NR4A2: variants seen among roughly 807,000 people sequenced by gnomAD.
NR4A2 encodes the protein nuclear receptor subfamily 4 group A member 2, also known as NGFI-B/nur77 beta-type transcription factor homolog.
In NR4A2, 1 loss-of-function variant was observed where a neutral mutation model predicts 50.5. That is an observed-to-expected ratio of 0.02 (90% CI 0.01 to 0.09). The LOEUF (loss-of-function observed/expected upper bound fraction) is 0.09. Among genes scored for constraint, NR4A2 ranks in the 10% least tolerant of loss-of-function variants. The pLI, the probability that NR4A2 is intolerant of heterozygous loss-of-function variation, is 1.00. For missense variants in NR4A2, 613 were observed against 777.3 expected, an observed-to-expected ratio of 0.79 and a Z score of 2.51; for synonymous variants, 328 against 309.4, an observed-to-expected ratio of 1.06 and a Z score of -0.63.
Position 156,325,588 on chromosome 2 carries a change from G to T in NR4A2, c.*156C>A. 4.0e-6 allele frequency: 4 copies of T among 994,840 alleles called. No individual in the cohort carries two copies. The highest frequency in any genetic ancestry group is 4.6e-6 in the Non-Finnish European group (3 of 645,706). 61.6% of individuals were successfully genotyped at this position (994,840 alleles called of 1,614,324 possible). A position where few individuals can be genotyped will look rare whatever the true frequency, so the allele number is the denominator to read the frequency against. On this transcript the variant is annotated 3_prime_UTR_variant, in exon 8 of 8. Coordinates refer to ENST00000339562, the MANE Select transcript of NR4A2 (RefSeq NM_006186.4). ...AGCAACAGTTTTTGTTTGTTTGTTT[G>T]TTTTCTTTAGGGATCAAGGGGGCTA... is the stretch of plus-strand genomic sequence containing the variant.
At chr2:156,330,298 T>C in intron 2 of NR4A2, 110 bp from the exon 3 acceptor site, 3 of 1,301,024 alleles carry the variant, frequency 2.3e-6, no homozygotes, top group South Asian at 2.5e-5. Flanking sequence ...TCAGAGAGCA[T>C]GTAGGGGCGC....
At chr2:156,331,340 A>C (rs1242568299) in intron 1 of NR4A2, among the ~76,000 whole-genome samples, 1 of 152,234 alleles carries the variant, frequency 6.6e-6, no homozygotes, top group African/African-American at 2.4e-5. Flanking sequence ...CCGCACTTCT[A>C]AAGTGCTTTT....
In NR4A2 at chr2:156,328,235, C is replaced by A. The variant is rs568780353; in HGVS notation, c.994+169G>T. On this transcript the variant is annotated intron_variant, in intron 4 of 7. Coordinates refer to ENST00000339562, the MANE Select transcript of NR4A2 (RefSeq NM_006186.4). The surrounding 1 kb of genome is among the most constrained non-coding windows in gnomAD (Gnocchi z 4.9). ...ATAGTTAAAGGAGAGAAGGGCCTGG[C>A]GGCTTTCTCTAGGGAAGGCCGGGCA... 1.7e-3 allele frequency among the ~76,000 whole-genome samples: 257 copies of A among 152,320 alleles called. No individual in the cohort carries two copies. The highest frequency in any genetic ancestry group is 2.9e-3 in the Non-Finnish European group (195 of 68,034).
rs140164421 is a variant in NR4A2 at position 156,328,172 on chromosome 2, A to G, written c.995-158T>C. Reference sequence around the variant, plus strand: ...CTTCACTGACTAGAAGCATTAAAAAATGCGGGGTTATTTTATGTCTTCCTC... The same window carrying G: ...CTTCACTGACTAGAAGCATTAAAAAGTGCGGGGTTATTTTATGTCTTCCTC... On this transcript the variant is annotated intron_variant, in intron 4 of 7. Transcript: ENST00000339562. This position sits in a 1 kb window ranked among gnomAD's most constrained non-coding sequence, Gnocchi z 4.9. 6.6e-6 allele frequency among the ~76,000 whole-genome samples: 1 copy of G among 152,244 alleles called. No individual in the cohort carries two copies. The highest frequency in any genetic ancestry group is 1.5e-5 in the Non-Finnish European group (1 of 68,052).
chr2:156,326,013 T>C lies in NR4A2; in HGVS notation c.1541-13A>G. On this transcript the variant is annotated splice_polypyrimidine_tract_variant and intron_variant, in intron 7 of 7. Transcript: ENST00000339562. The surrounding 1 kb of genome is among the most constrained non-coding windows in gnomAD (Gnocchi z 4.2). ...AGCCCGTGTCTCTCTGCAGAAAACA[T>C]AATCAGAAACAAAAGAAGAATGTAC... 6.2e-7 allele frequency: 1 copy of C among 1,614,166 alleles called. No individual in the cohort carries two copies. Among genetic ancestry groups the C allele is most frequent in the South Asian group, 1.1e-5 (1 of 91,082 alleles).
intron 1 of NR4A2, among the ~76,000 whole-genome samples, chr2:156,331,504 G>A (rs1385334945): frequency 6.6e-6 from 1 of 152,148 alleles, no homozygotes; most frequent in African/African-American, 2.4e-5. Flanking sequence ...AATTGCAGAG[G>A]GGGGACATAC....
At position 156,326,275 on chromosome 2, in the gene NR4A2, C is replaced by A; in HGVS notation, c.1415G>T (p.Arg472Met). 6.2e-7 allele frequency: 1 copy of A among 1,614,206 alleles called. No individual in the cohort carries two copies. The highest frequency in any genetic ancestry group is 8.5e-7 in the Non-Finnish European group (1 of 1,180,032). ...LIFCNGVVLH[R>M]LQCVRGFGEW... ...CCCAAAGCCACGAACGCATTGCAAC[C>A]TGTGCAAGACCACCCCATTGCAAAA... Residue 472 changes from arginine to methionine, a missense_variant, in exon 7 of 8, where the codon AGG becomes ATG. Coordinates refer to ENST00000339562, the MANE Select transcript of NR4A2 (RefSeq NM_006186.4). This position sits in a 1 kb window ranked among gnomAD's most constrained non-coding sequence, Gnocchi z 4.2.
Position 156,325,642 on chromosome 2 carries a change from G to A in NR4A2, c.*102C>T. 1 of 1,443,838 alleles carries A rather than the reference G, an allele frequency of 6.9e-7. No homozygotes were observed. Among genetic ancestry groups the A allele is most frequent in the Non-Finnish European group, 9.7e-7 (1 of 1,027,172 alleles). 89.4% of individuals were successfully genotyped at this position (1,443,838 alleles called of 1,614,324 possible). The stretch of plus-strand genomic sequence containing the variant: ...GGGTTACAGAAATGGGGGGCAGCTT[G>A]AGCTGAGACTGCTCACACGGCTATC... On this transcript the variant is annotated 3_prime_UTR_variant, in exon 8 of 8. Coordinates refer to ENST00000339562, the MANE Select transcript of NR4A2 (RefSeq NM_006186.4).
At chr2:156,330,296 C>G in intron 2 of NR4A2, 108 bp from the exon 3 acceptor site, 1 of 1,310,546 alleles carries the variant, frequency 7.6e-7, no homozygotes, top group Non-Finnish European at 1.1e-6. Context: ...AGTCAGAGAG[C>G]ATGTAGGGGC....
rs372321198 is a variant in NR4A2, at chr2:156,326,923, G to A, written c.1159-3C>T. The stretch of plus-strand genomic sequence containing the variant: ...TGATAGTCAGGGTTCGCCTGGAACT[G>A]GAATTTCATTTTAAAAAGCACTTAA... On this transcript the variant is annotated splice_region_variant and splice_polypyrimidine_tract_variant and intron_variant, in intron 5 of 7. Coordinates refer to ENST00000339562, the MANE Select transcript of NR4A2 (RefSeq NM_006186.4). The surrounding 1 kb of genome is among the most constrained non-coding windows in gnomAD (Gnocchi z 4.2). The A allele has an allele frequency of 1.4e-5, 23 of 1,613,800 alleles. No individual in the cohort carries two copies. The highest frequency in any genetic ancestry group is 5.3e-5 in the African/African-American group (4 of 74,918).
intron 1 of NR4A2, among the ~76,000 whole-genome samples, chr2:156,331,506 G>C (rs1247170330): frequency 6.6e-6 from 1 of 152,126 alleles, no homozygotes; most frequent in African/African-American, 2.4e-5. Flanking sequence ...TTGCAGAGGG[G>C]GGACATACTG....
At chr2:156,330,832 C>G in intron 1 of NR4A2, 41 bp from the exon 2 acceptor site, 1 of 1,239,806 alleles carries the variant, frequency 8.1e-7, no homozygotes, top group Non-Finnish European at 1.0e-6. Flanking sequence ...TTCTTCCCGA[C>G]AGAGATTCAG....
chr2:156,326,987 C>G lies in NR4A2; in HGVS notation c.1159-67G>C. 3 of 1,504,068 alleles carry G rather than the reference C, an allele frequency of 2.0e-6. No individual in the cohort carries two copies. The highest frequency in any genetic ancestry group is 2.8e-6 in the Non-Finnish European group (3 of 1,085,620). The allele number at this position is 1,504,068 out of a possible 1,614,324, so 93.2% of individuals were successfully genotyped here. ...AATATATAACCCGTGAAATTGCTAA[C>G]CCCGTTTCTAATAGGGGAGCCAGGT... is the stretch of plus-strand genomic sequence containing the variant. On this transcript the variant is annotated intron_variant, in intron 5 of 7. Transcript: ENST00000339562. The surrounding 1 kb of genome is among the most constrained non-coding windows in gnomAD (Gnocchi z 4.2).
In NR4A2 at chr2:156,328,304, C is replaced by A; in HGVS notation, c.994+100G>T. On this transcript the variant is annotated intron_variant, in intron 4 of 7. Coordinates refer to ENST00000339562, the MANE Select transcript of NR4A2 (RefSeq NM_006186.4). The surrounding 1 kb of genome is among the most constrained non-coding windows in gnomAD (Gnocchi z 4.9). ...CCTGGAGGCCATACTGAGGGGGAGT[C>A]GGAGATCCCCAGCACCGGGAAGTGG... 2.5e-6 allele frequency: 4 copies of A among 1,577,754 alleles called. No homozygotes were observed. Among genetic ancestry groups the A allele is most frequent in the Non-Finnish European group, 2.6e-6 (3 of 1,149,026 alleles).
Position 156,328,041 on chromosome 2 carries a change from C to A in NR4A2, c.995-27G>T. On this transcript the variant is annotated intron_variant, in intron 4 of 7. Transcript: ENST00000339562. This position sits in a 1 kb window ranked among gnomAD's most constrained non-coding sequence, Gnocchi z 4.9. ...TGCAAAGGAAGAGCCCTGTTAGCGC[C>A]GCTTTTCCGAGCCCAGGCCCAGCTG... 1 of 1,594,310 alleles carries A rather than the reference C, an allele frequency of 6.3e-7. No individual in the cohort carries two copies.
chr2:156,329,830 C>A lies in NR4A2; in HGVS notation c.357G>T (p.Ser119=), dbSNP rs797046133. Residue 119 remains serine (S), a synonymous_variant, in exon 3 of 8, where the codon TCG becomes TCT. Transcript: ENST00000339562. The surrounding 1 kb of genome is among the most constrained non-coding windows in gnomAD (Gnocchi z 7.5). ...GGGGCGAGGAGGGCTTGTAGTAAAC[C>A]GACCCGGAGTGCGGCATCATCTCCT... ...QSEEMMPHSG[S]VYYKPSSPPT... The A allele has an allele frequency of 6.2e-7, 1 of 1,614,088 alleles. No homozygotes were observed. The highest frequency in any genetic ancestry group is 1.1e-5 in the South Asian group (1 of 91,072).
At chr2:156,330,297 A>C (rs1558869306) in intron 2 of NR4A2, 109 bp from the exon 3 acceptor site, 1 of 1,313,798 alleles carries the variant, frequency 7.6e-7, no homozygotes. Flanking sequence ...GTCAGAGAGC[A>C]TGTAGGGGCG....
At position 156,329,589 on chromosome 2, in the gene NR4A2, C is replaced by A; in HGVS notation, c.598G>T (p.Val200Phe). ...CCGGCGGGCTCCGGGTTCATGGGGA[C>A]GTGCAGGGGCCCGTCGAAGCGCATC... ...CQMRFDGPLHVPMNPEPAGSH... is the reference protein window; with the variant it reads ...CQMRFDGPLHFPMNPEPAGSH... The change falls in exon 3 of 8, where the codon GTC becomes TTC. Residue 200 changes from valine (V) to phenylalanine (F), a missense_variant. Around this residue, in one of 4 missense-constraint regions of NR4A2, gnomAD observed 275 missense variants for 248.9 expected, o/e 1.10. Coordinates refer to ENST00000339562, the MANE Select transcript of NR4A2 (RefSeq NM_006186.4). The surrounding 1 kb of genome is among the most constrained non-coding windows in gnomAD (Gnocchi z 7.5). The A allele has an allele frequency of 1.2e-6, 2 of 1,605,488 alleles. No individual in the cohort carries two copies. Among genetic ancestry groups the A allele is most frequent in the Non-Finnish European group, 1.7e-6 (2 of 1,175,176 alleles).
At position 156,327,908 on chromosome 2, in the gene NR4A2, G is replaced by C; in HGVS notation, c.1101C>G (p.Ala367=). ...PPSPPVSLIS[A]LVRAHVDSNP... The stretch of plus-strand genomic sequence containing the variant: ...TGGAGTCGACATGGGCCCTGACGAG[G>C]GCACTGATCAGACTCACCGGGGGCG... Residue 367 remains alanine (A), a synonymous_variant, in exon 5 of 8, where the codon GCC becomes GCG. Transcript: ENST00000339562. 1.9e-6 allele frequency: 3 copies of C among 1,596,864 alleles called. No individual in the cohort carries two copies. The highest frequency in any genetic ancestry group is 2.6e-6 in the Non-Finnish European group (3 of 1,170,972).
Sources: allele counts gnomAD v4.1 joint callset (sites outside exome capture counted in the v4.1 genomes callset), GRCh38; gene constraint gnomAD v4.1.1; regional missense constraint gnomAD v4.1.1; non-coding constraint Gnocchi (gnomAD v3.1); transcripts MANE v1.5; gene names NCBI Gene and HGNC (gene_info 2026-07-23, HGNC 2026-07-21).